PPP2R3A: variants seen among roughly 807,000 people sequenced by gnomAD.
The protein encoded by PPP2R3A is serine/threonine-protein phosphatase 2A regulatory subunit B'' subunit alpha.
In PPP2R3A, 80 loss-of-function variants were observed where a neutral mutation model predicts 106.9. That is an observed-to-expected ratio of 0.75 (90% CI 0.62 to 0.90). PPP2R3A has a LOEUF of 0.90. Ranked by LOEUF, PPP2R3A falls within the 40% of genes least tolerant of loss-of-function variation. The pLI, the probability that PPP2R3A is intolerant of heterozygous loss-of-function variation, is 0.00. For missense variants in PPP2R3A, 1,386 were observed against 1,350.4 expected, an observed-to-expected ratio of 1.03 and a Z score of -0.41; for synonymous variants, 483 against 468.3, an observed-to-expected ratio of 1.03 and a Z score of -0.41.
intron 13 of PPP2R3A, among the ~76,000 whole-genome samples, chr3:136,122,180 G>A (rs956003640): frequency 3.3e-5 from 5 of 152,148 alleles, no homozygotes; most frequent in African/African-American, 1.2e-4. Context: ...ACATAGCTGG[G>A]CACGGTGACT....
At chr3:136,134,305 C>T (rs1252767443) in intron 13 of PPP2R3A, among the ~76,000 whole-genome samples, 1 of 152,162 alleles carries the variant, frequency 6.6e-6, no homozygotes, top group African/African-American at 2.4e-5. Flanking sequence ...CAATATGTAG[C>T]AACAACTTGA....
In PPP2R3A at chr3:136,002,787, G is replaced by T. The variant is rs753862755; in HGVS notation, c.1289G>T (p.Gly430Val). The T allele has an allele frequency of 3.8e-5, 61 of 1,613,412 alleles. No individual in the cohort carries two copies. The South Asian group carries it at 6.5e-4, about 17-fold the overall frequency. ...ESDGKKALDK[G>V]QKTENGPSHE... ...GATGGAAAGAAAGCATTAGATAAAG[G>T]ACAAAAGACAGAGAATGGACCTAGT... is the stretch of plus-strand genomic sequence containing the variant. Residue 430 changes from glycine to valine, a missense_variant, in exon 2 of 14, where the codon GGA becomes GTA. By Grantham distance (109) the Gly-to-Val change is moderately radical. Coordinates refer to ENST00000264977, the MANE Select transcript of PPP2R3A (RefSeq NM_002718.5).
At chr3:136,003,532 A>G in intron 2 of PPP2R3A, 39 bp downstream of exon 2, 1 of 1,504,160 alleles carries the variant, frequency 6.6e-7, no homozygotes, top group Non-Finnish European at 8.9e-7. Context: ...AACTCTTTAA[A>G]AAATGTTTAG....
In PPP2R3A at chr3:136,137,708, A is replaced by G. The variant is rs1938683536; in HGVS notation, c.3330-7335A>G. ...AGGCGCCTGCAAGCACACCCGGCTA[A>G]TTTTTTGTATTTTTAGTAGAGACGG... is the stretch of plus-strand genomic sequence containing the variant. On this transcript the variant is annotated intron_variant, in intron 13 of 13. Coordinates refer to ENST00000264977, the MANE Select transcript of PPP2R3A (RefSeq NM_002718.5). Among the ~76,000 whole-genome samples, 5 of 151,606 alleles carry G rather than the reference A, an allele frequency of 3.3e-5. No individual in the cohort carries two copies. The East Asian group carries it at 9.7e-4, about 29-fold the overall frequency.
At chr3:136,134,454 T>C (rs568598700) in intron 13 of PPP2R3A, among the ~76,000 whole-genome samples, 16 of 152,312 alleles carry the variant, frequency 1.1e-4, no homozygotes, top group African/African-American at 3.8e-4. Flanking sequence ...ACACAAATGT[T>C]CAATATAGAA....
rs1289390637 is a variant in PPP2R3A at position 136,005,648 on chromosome 3, C to T, written c.1995+2155C>T. Among the ~76,000 whole-genome samples the T allele has an allele frequency of 2.0e-5, 3 of 151,980 alleles. No homozygotes were observed. The South Asian group carries it at 6.2e-4, about 32-fold the overall frequency. ...TCACATGGTTTTTTTTCCCACATGA[C>T]ACATTGCAGTACACAGGCAATACTG... On this transcript the variant is annotated intron_variant, in intron 2 of 13. Coordinates refer to ENST00000264977, the MANE Select transcript of PPP2R3A (RefSeq NM_002718.5).
At position 135,978,853 on chromosome 3, in the gene PPP2R3A, C is replaced by G. The variant is rs971906347; in HGVS notation, c.-441+13004C>G. Among the ~76,000 whole-genome samples, 9 of 151,720 alleles carry G rather than the reference C, an allele frequency of 5.9e-5. 1 individual carries two copies. Among genetic ancestry groups the G allele is most frequent in the African/African-American group, 1.9e-4 (8 of 41,072 alleles). The stretch of plus-strand genomic sequence containing the variant: ...GTGCTAAGTCCATCTTCTCATCAAC[C>G]TGTGATTTTCTTTACATGACAAAAT... On this transcript the variant is annotated intron_variant, in intron 1 of 13. Transcript: ENST00000264977.
intron 13 of PPP2R3A, among the ~76,000 whole-genome samples, chr3:136,143,032 CAAG>C (rs1176147254): frequency 1.3e-5 from 2 of 152,084 alleles, no homozygotes; most frequent in African/African-American, 4.8e-5. Flanking sequence ...ATTGAGGCCT[CAAG>C]GAGATGGGGG....
chr3:136,092,440 A>G (rs917670763), intron 10 of PPP2R3A, among the ~76,000 whole-genome samples: 16 of 152,228 alleles, frequency 1.1e-4, no homozygotes, highest in Non-Finnish European at 2.2e-4. Context: ...TCCTAACAAA[A>G]TATTAGTTAG....
intron 4 of PPP2R3A, among the ~76,000 whole-genome samples, chr3:136,041,985 C>T (rs1461107737): frequency 6.6e-6 from 1 of 152,142 alleles, no homozygotes; most frequent in African/African-American, 2.4e-5. Flanking sequence ...GCATGTTCTT[C>T]TCGCCTTTTC....
intron 2 of PPP2R3A, among the ~76,000 whole-genome samples, chr3:136,017,248 A>AT (rs1934309193): frequency 6.6e-6 from 1 of 151,950 alleles, no homozygotes; most frequent in African/African-American, 2.4e-5. Context: ...AGCTCTTAGG[A>AT]TTTTTTCCTT....
At chr3:136,048,550 T>G (rs1290337383) in intron 4 of PPP2R3A, among the ~76,000 whole-genome samples, 1 of 152,048 alleles carries the variant, frequency 6.6e-6, no homozygotes, top group African/African-American at 2.4e-5. Flanking sequence ...CATGCGCCTA[T>G]AGTCCCAGCT....
At chr3:136,138,695 ATTTTTTTTTTTTTTTT>A (rs747811648) in intron 13 of PPP2R3A, among the ~76,000 whole-genome samples, 9 of 50,598 alleles carry the variant, frequency 1.8e-4, no homozygotes, top group Admixed American at 3.8e-4. Context: ...GAAATATTGA[ATTTTTTTTTTTTTTTT>A]TTTTTTTTTT....
chr3:135,999,120 G>T (rs1457114486), intron 1 of PPP2R3A, among the ~76,000 whole-genome samples: 1 of 152,166 alleles, frequency 6.6e-6, no homozygotes, highest in Non-Finnish European at 1.5e-5. Flanking sequence ...TTCTCCCAGG[G>T]TCAGGCACAG....
intron 13 of PPP2R3A, among the ~76,000 whole-genome samples, chr3:136,125,313 T>TC (rs892055838): frequency 6.6e-6 from 1 of 151,842 alleles, no homozygotes; most frequent in African/African-American, 2.4e-5. Flanking sequence ...AGAGTGAAAC[T>TC]CCATCTCAAA....
intron 1 of PPP2R3A, among the ~76,000 whole-genome samples, chr3:135,973,417 C>T (rs1454018973): frequency 6.6e-6 from 1 of 152,202 alleles, no homozygotes; most frequent in Non-Finnish European, 1.5e-5. Context: ...CACACATCTT[C>T]CCTCTTAGTG....
At chr3:136,024,064 A>C (rs1023274414) in intron 2 of PPP2R3A, among the ~76,000 whole-genome samples, 2 of 152,182 alleles carry the variant, frequency 1.3e-5, no homozygotes, top group African/African-American at 4.8e-5. Context: ...CTACAGTGAC[A>C]TAATAGCACA....
chr3:136,082,527 A>C, intron 8 of PPP2R3A, 106 bp downstream of exon 8: 1 of 1,299,604 alleles, frequency 7.7e-7, no homozygotes, highest in Non-Finnish European at 1.1e-6. Flanking sequence ...AACCTAATCA[A>C]GTCCTCTTTA....
chr3:136,093,449 A>G (rs566614900), intron 10 of PPP2R3A, among the ~76,000 whole-genome samples: 1 of 152,244 alleles, frequency 6.6e-6, no homozygotes, highest in South Asian at 2.1e-4. Flanking sequence ...ATCAAAAGAT[A>G]TGATCAAGAA....
Sources: gnomAD v4.1 joint callset for allele counts (sites outside exome capture counted in the v4.1 genomes callset) on GRCh38, gnomAD v4.1.1 for gene constraint, MANE v1.5 for transcripts, NCBI Gene and HGNC (gene_info 2026-07-23, HGNC 2026-07-21) for gene names.